SMYD3: variants seen among roughly 807,000 people sequenced by gnomAD.
SMYD3 encodes SET and MYND domain containing 3.
SMYD3 carries 36 observed loss-of-function variants against 57.7 expected under a neutral mutation model. That is an observed-to-expected ratio of 0.62 (90% CI 0.48 to 0.82). SMYD3 has a LOEUF of 0.82. Among genes scored for constraint, SMYD3 ranks in the 40% least tolerant of loss-of-function variants. SMYD3 has a pLI of 0.00. For missense variants in SMYD3, 515 were observed against 538.8 expected, an observed-to-expected ratio of 0.96 and a Z score of 0.44; for synonymous variants, 211 against 195.0, an observed-to-expected ratio of 1.08 and a Z score of -0.68.
intron 5 of SMYD3, among the ~76,000 whole-genome samples, chr1:246,001,105 G>A (rs937256042): frequency 2.0e-5 from 3 of 152,204 alleles, no homozygotes; most frequent in African/African-American, 7.2e-5. Context: ...AAACGAGACT[G>A]ATGCAAATGA....
At chr1:246,335,896 C>T (rs2065535836) in intron 2 of SMYD3, among the ~76,000 whole-genome samples, 1 of 152,206 alleles carries the variant, frequency 6.6e-6, no homozygotes, top group African/African-American at 2.4e-5. Context: ...ATAGGGATGA[C>T]AGCCTTCTGA....
chr1:246,102,761 T>C lies in SMYD3; in HGVS notation c.532-172824A>G, dbSNP rs533408786. 5.8e-4 allele frequency among the ~76,000 whole-genome samples: 87 copies of C among 150,826 alleles called. 2 individuals are homozygous for C. Among genetic ancestry groups the C allele is most frequent in the African/African-American group, 1.9e-3 (77 of 41,008 alleles). On this transcript the variant is annotated intron_variant, in intron 5 of 11. Transcript: ENST00000490107. ...TGGCTCTCAAAAAAAAAAAAAATAA[T>C]AATAATAATAATCCTACCTACTCCG...
intron 1 of SMYD3, among the ~76,000 whole-genome samples, chr1:246,411,017 T>TC (rs2066958918): frequency 6.2e-4 from 2 of 3,234 alleles, no homozygotes; most frequent in South Asian, 0.1. Context: ...GGTGGTGATA[T>TC]CCCCTTTATT....
chr1:246,390,214 C>CA (rs56279385), intron 1 of SMYD3, among the ~76,000 whole-genome samples: 3 of 67,036 alleles, frequency 4.5e-5, no homozygotes, highest in African/African-American at 1.4e-4. Context: ...ATTCTGTCTC[C>CA]AAAAAAAAAA....
chr1:245,848,310 T>C (rs958250310), intron 10 of SMYD3, among the ~76,000 whole-genome samples: 18 of 151,776 alleles, frequency 1.2e-4, no homozygotes, highest in Admixed American at 1.1e-3. Context: ...TTGGTAGAGA[T>C]AGGGTTTCAT....
chr1:246,166,877 G>C (rs2062222180), intron 5 of SMYD3, among the ~76,000 whole-genome samples: 1 of 152,150 alleles, frequency 6.6e-6, no homozygotes, highest in African/African-American at 2.4e-5. Flanking sequence ...AACCTATCCA[G>C]CTCCAAAACA....
rs371570891 is a variant in SMYD3, at chr1:246,002,704, A to G, written c.532-72767T>C. On this transcript the variant is annotated intron_variant, in intron 5 of 11. Transcript: ENST00000490107. ...CCTGACCTCGTGATCCGACCGCCTC[A>G]GCCTCCCAAAGTGCTGGGATGACAG... 2.5e-4 allele frequency among the ~76,000 whole-genome samples: 33 copies of G among 131,732 alleles called. 2 individuals are homozygous for G. The highest frequency in any genetic ancestry group is 4.5e-4 in the East Asian group (2 of 4,402). The allele number at this position is 131,732 out of a possible 152,430, so 86.4% of individuals were successfully genotyped here.
At chr1:246,392,136 C>A (rs940818354) in intron 1 of SMYD3, among the ~76,000 whole-genome samples, 24 of 152,074 alleles carry the variant, frequency 1.6e-4, no homozygotes, top group Non-Finnish European at 7.4e-5. Flanking sequence ...GCATCAGGTT[C>A]TATCACAAAA....
intron 5 of SMYD3, among the ~76,000 whole-genome samples, chr1:246,194,394 G>A (rs1041004632): frequency 1.4e-4 from 21 of 151,644 alleles, no homozygotes; most frequent in African/African-American, 2.4e-4. Flanking sequence ...TCAGCCTCCC[G>A]AGTAGCTGGG....
intron 10 of SMYD3, among the ~76,000 whole-genome samples, chr1:245,765,222 T>TAA (rs1558313510): frequency 7.0e-5 from 7 of 99,958 alleles, no homozygotes; most frequent in Admixed American, 1.7e-4. Flanking sequence ...CCTTTCTCTA[T>TAA]TAAAAAAAAA....
chr1:246,486,022 ATCC>A (rs887454824), intron 1 of SMYD3, among the ~76,000 whole-genome samples: 1 of 152,200 alleles, frequency 6.6e-6, no homozygotes, highest in African/African-American at 2.4e-5. Flanking sequence ...GTTGACCATC[ATCC>A]TCCTCTATAC....
In SMYD3 at chr1:245,899,968, T is replaced by C. The variant is rs145111428; in HGVS notation, c.813+15562A>G. Among the ~76,000 whole-genome samples the C allele has an allele frequency of 7.9e-4, 120 of 152,314 alleles. No homozygotes were observed. The East Asian group carries it at 0.019, about 24-fold the overall frequency. ...CCTGGTTCTCAGGGCTTCAGACTTG[T>C]CCTGAAACTATACCATGGCTCTTCT... On this transcript the variant is annotated intron_variant, in intron 8 of 11. Coordinates refer to ENST00000490107, the MANE Select transcript of SMYD3 (RefSeq NM_001167740.2).
chr1:246,180,930 C>A (rs1007338929), intron 5 of SMYD3, among the ~76,000 whole-genome samples: 1 of 151,986 alleles, frequency 6.6e-6, no homozygotes, highest in East Asian at 1.9e-4. Context: ...AGAGATGTGA[C>A]GTGCTTTAAA....
intron 10 of SMYD3, among the ~76,000 whole-genome samples, chr1:245,844,089 T>C (rs2050540514): frequency 6.6e-6 from 1 of 152,170 alleles, no homozygotes; most frequent in Non-Finnish European, 1.5e-5. Context: ...TCCTAGTTCC[T>C]CCTCCTCTGG....
chr1:245,926,233 T>C (rs1179641205), intron 7 of SMYD3, among the ~76,000 whole-genome samples: 1 of 152,130 alleles, frequency 6.6e-6, no homozygotes, highest in Non-Finnish European at 1.5e-5. Context: ...TTTCAACAGA[T>C]GGAATCTGGG....
chr1:246,166,100 T>A (rs12039830), intron 5 of SMYD3, among the ~76,000 whole-genome samples: 3,824 of 150,084 alleles, frequency 0.025, 199 homozygotes, highest in East Asian at 0.22. Context: ...CTCCCTTTTT[T>A]AAAAAAAAAA....
chr1:245,841,611 G>T (rs2050404994), intron 10 of SMYD3, among the ~76,000 whole-genome samples: 1 of 152,030 alleles, frequency 6.6e-6, no homozygotes, highest in Admixed American at 6.5e-5. Context: ...ATTGGTGAAA[G>T]AACATTAAAA....
intron 5 of SMYD3, among the ~76,000 whole-genome samples, chr1:246,071,684 A>G (rs1322885376): frequency 6.6e-6 from 1 of 152,178 alleles, no homozygotes; most frequent in Non-Finnish European, 1.5e-5. Context: ...TGAAAATCAT[A>G]ATCCCCAAAC....
At chr1:246,504,504 T>A (rs1354142152) in intron 1 of SMYD3, among the ~76,000 whole-genome samples, 9 of 152,214 alleles carry the variant, frequency 5.9e-5, no homozygotes, top group Admixed American at 5.9e-4. Context: ...AAAAATGATA[T>A]AATCATACAG....
Sources: gnomAD v4.1 joint callset for allele counts (sites outside exome capture counted in the v4.1 genomes callset) on GRCh38, gnomAD v4.1.1 for gene constraint, MANE v1.5 for transcripts, NCBI Gene and HGNC (gene_info 2026-07-23, HGNC 2026-07-21) for gene names.